RGS3: variants seen among roughly 807,000 people sequenced by gnomAD.
RGS3 encodes the protein regulator of G-protein signalling 3.
Under a neutral mutation model 132.6 loss-of-function variants are expected in RGS3, and 80 were observed. That is an observed-to-expected ratio of 0.60 (90% CI 0.50 to 0.73). RGS3 has a LOEUF of 0.73. Ranked by LOEUF, RGS3 falls within the 30% of genes least tolerant of loss-of-function variation. RGS3 has a pLI of 0.00. For synonymous variants in RGS3, 598 were observed against 620.6 expected (o/e 0.96, Z 0.54); for missense variants, 1,382 against 1,530.8 (o/e 0.90, Z 1.62).
Position 113,591,488 on chromosome 9 carries a change from G to A in RGS3, c.3080+91G>A. The A allele has an allele frequency of 8.8e-7, 1 of 1,130,894 alleles. No individual in the cohort carries two copies. Among genetic ancestry groups the A allele is most frequent in the Non-Finnish European group, 1.3e-6 (1 of 746,710 alleles). 70.1% of individuals were successfully genotyped at this position (1,130,894 alleles called of 1,614,324 possible). A position where few individuals can be genotyped will look rare whatever the true frequency, so the allele number is the denominator to read the frequency against. ...TCTAGGGGTCCAGGTGGGGAGAAGA[G>A]GTTGTGCCTGGTCCCGCCCACAACC... On this transcript the variant is annotated intron_variant, in intron 21 of 24. Coordinates refer to ENST00000350696, the Ensembl canonical transcript of RGS3. This position sits in a 1 kb window ranked among gnomAD's most constrained non-coding sequence, Gnocchi z 4.4.
intron 3 of RGS3, among the ~76,000 whole-genome samples, chr9:113,473,241 A>G (rs1224532679): frequency 6.6e-6 from 1 of 152,220 alleles, no homozygotes; most frequent in African/African-American, 2.4e-5. Flanking sequence ...TCACCTCTTG[A>G]AAGGAAGAGT....
intron 13 of RGS3, among the ~76,000 whole-genome samples, chr9:113,508,023 A>C (rs1174583787): frequency 6.6e-6 from 1 of 152,192 alleles, no homozygotes; most frequent in Non-Finnish European, 1.5e-5. Context: ...TGCGCTCCCC[A>C]AAACATTAGT....
intron 19 of RGS3, chr9:113,581,098 C>A: frequency 1.7e-6 from 1 of 597,538 alleles, no homozygotes; most frequent in Non-Finnish European, 2.1e-6. Flanking sequence ...GGCTGCAGGG[C>A]AGTTTGTTTC....
At chr9:113,590,435 T>C (rs1316651505) in intron 20 of RGS3, among the ~76,000 whole-genome samples, 1 of 119,292 alleles carries the variant, frequency 8.4e-6, no homozygotes, top group African/African-American at 3.2e-5. Flanking sequence ...TATTCACCCA[T>C]GCATTCATAT....
chr9:113,506,574 C>A lies in RGS3; in HGVS notation c.1085+81C>A. Reference sequence around the variant, plus strand: ...CCCCTGGGCACACTGCCTTGCCTGGCCCAGCTCTTGCTGCTCCCTCTTTTG... The same window carrying A: ...CCCCTGGGCACACTGCCTTGCCTGGACCAGCTCTTGCTGCTCCCTCTTTTG... On this transcript the variant is annotated intron_variant, in intron 12 of 24. Coordinates refer to ENST00000350696, the Ensembl canonical transcript of RGS3. This position sits in a 1 kb window ranked among gnomAD's most constrained non-coding sequence, Gnocchi z 4.7. 2.2e-6 allele frequency: 2 copies of A among 895,088 alleles called. No individual in the cohort carries two copies. Among genetic ancestry groups the A allele is most frequent in the Non-Finnish European group, 3.6e-6 (2 of 560,744 alleles). 55.4% of individuals were successfully genotyped at this position (895,088 alleles called of 1,614,324 possible). A position where few individuals can be genotyped will look rare whatever the true frequency, so the allele number is the denominator to read the frequency against.
chr9:113,580,908 C>A, intron 19 of RGS3: 8 of 985,660 alleles, frequency 8.1e-6, no homozygotes, highest in Non-Finnish European at 9.6e-6. Flanking sequence ...GGAAATGCGG[C>A]CCGCTCCCCA....
chr9:113,468,370 G>A (rs1829716882), intron 3 of RGS3, among the ~76,000 whole-genome samples: 1 of 152,098 alleles, frequency 6.6e-6, no homozygotes, highest in Non-Finnish European at 1.5e-5. Flanking sequence ...TAAACCCACG[G>A]CTTATTTCTA....
At chr9:113,508,165 A>G (rs1244009018) in intron 13 of RGS3, among the ~76,000 whole-genome samples, 1 of 152,162 alleles carries the variant, frequency 6.6e-6, no homozygotes, top group African/African-American at 2.4e-5. Flanking sequence ...ATCCTGTACT[A>G]CAGCAGGTGT....
At chr9:113,457,197 C>T (rs531263509), upstream of RGS3, among the ~76,000 whole-genome samples, 8 of 152,300 alleles carry the variant, frequency 5.3e-5, no homozygotes, top group South Asian at 6.2e-4. Context: ...GTTCCTCAAA[C>T]GTACAACGCC....
Position 113,537,007 on chromosome 9 carries a change from C to A in RGS3, c.2037+89C>A. 7.6e-7 allele frequency: 1 copy of A among 1,309,180 alleles called. No individual in the cohort carries two copies. The highest frequency in any genetic ancestry group is 1.1e-6 in the Non-Finnish European group (1 of 941,748). The allele number at this position is 1,309,180 out of a possible 1,614,324, so 81.1% of individuals were successfully genotyped here. ...TGAGCCTCTGCATTGAGCTGGGGGC[C>A]AGCCTGAGCTTCCAACTTGGCTCTG... On this transcript the variant is annotated intron_variant, in intron 19 of 24. Transcript: ENST00000350696. This position sits in a 1 kb window ranked among gnomAD's most constrained non-coding sequence, Gnocchi z 4.3.
intron 18 of RGS3, among the ~76,000 whole-genome samples, chr9:113,531,122 G>A (rs976034358): frequency 2.0e-5 from 3 of 152,198 alleles, no homozygotes; most frequent in African/African-American, 7.2e-5. Flanking sequence ...CAAGATCCTG[G>A]GTGGTGTTAT....
chr9:113,461,989 G>T (rs1829482730), intron 2 of RGS3: 1 of 1,608,252 alleles, frequency 6.2e-7, no homozygotes, highest in Non-Finnish European at 8.5e-7. Flanking sequence ...TTCAGGCCAT[G>T]GCTAACTCAT....
chr9:113,550,275 A>AT (rs1459530846), intron 19 of RGS3, among the ~76,000 whole-genome samples: 53 of 152,210 alleles, frequency 3.5e-4, no homozygotes, highest in African/African-American at 1.3e-3. Flanking sequence ...AGGTGGGAGA[A>AT]TCGCTTGAAC....
At chr9:113,501,176 T>G (rs1272729078) in intron 10 of RGS3, among the ~76,000 whole-genome samples, 1 of 152,092 alleles carries the variant, frequency 6.6e-6, no homozygotes, top group Non-Finnish European at 1.5e-5. Flanking sequence ...GGAGGAGGTG[T>G]TGTTATAGAG....
At chr9:113,552,826 T>C (rs989338061) in intron 19 of RGS3, among the ~76,000 whole-genome samples, 4 of 152,232 alleles carry the variant, frequency 2.6e-5, no homozygotes, top group African/African-American at 9.6e-5. Context: ...GAATTTCATA[T>C]AGGTCTTGCA....
intron 10 of RGS3, among the ~76,000 whole-genome samples, chr9:113,502,022 A>G (rs1303735540): frequency 6.6e-6 from 1 of 152,194 alleles, no homozygotes; most frequent in Non-Finnish European, 1.5e-5. Flanking sequence ...CTGTGCGTGT[A>G]TGTTGGCACG....
intron 19 of RGS3, among the ~76,000 whole-genome samples, chr9:113,569,101 C>A (rs1834140532): frequency 6.6e-6 from 1 of 152,258 alleles, no homozygotes; most frequent in Non-Finnish European, 1.5e-5. Flanking sequence ...CCGCTTGCAC[C>A]TGGTACCGTG....
At chr9:113,485,717 G>T in intron 7 of RGS3, 24 bp downstream of exon 5, 1 of 1,555,012 alleles carries the variant, frequency 6.4e-7, no homozygotes, top group Non-Finnish European at 8.7e-7. Context: ...CTGAGCTGGA[G>T]GGGGACTCTG....
rs1831241528 is a variant in RGS3 at position 113,508,429 on chromosome 9, T to G, written c.1438-112T>G. The G allele has an allele frequency of 3.9e-6, 4 of 1,021,158 alleles. No homozygotes were observed. In the Admixed American group the frequency reaches 7.4e-5, roughly 19 times the overall value. The allele number at this position is 1,021,158 out of a possible 1,614,324, so 63.3% of individuals were successfully genotyped here. A position where few individuals can be genotyped will look rare whatever the true frequency, so the allele number is the denominator to read the frequency against. ...TACCAGAACTGCTGTTTTTCTCTTG[T>G]GCCCTGAGGTGCTCCACTTCCTCTC... On this transcript the variant is annotated intron_variant, in intron 13 of 24. Transcript: ENST00000350696.
Sources: gnomAD v4.1 joint callset for allele counts (sites outside exome capture counted in the v4.1 genomes callset) on GRCh38, gnomAD v4.1.1 for gene constraint, Gnocchi (gnomAD v3.1) non-coding constraint, MANE v1.5 for transcripts, NCBI Gene and HGNC (gene_info 2026-07-23, HGNC 2026-07-21) for gene names.